The following GLYR1 variants were observed in gnomAD, a reference collection of about 807,000 sequenced individuals.
GLYR1 encodes glyoxylate reductase 1 homolog.
A neutral mutation model predicts 72.7 loss-of-function variants in GLYR1; 21 were observed. The observed-to-expected ratio is 0.29, with a 90% CI of 0.20 to 0.42. GLYR1 has a LOEUF of 0.42. Ranked by LOEUF, GLYR1 falls within the 10% of genes least tolerant of loss-of-function variation. The pLI is 1.00. For missense variants in GLYR1, 594 were observed against 712.1 expected, an observed-to-expected ratio of 0.83 and a Z score of 1.89; for synonymous variants, 392 against 270.2, an observed-to-expected ratio of 1.45 and a Z score of -4.42.
intron 5 of GLYR1, among the ~76,000 whole-genome samples, chr16:4,829,996 G>A (rs1200612923): frequency 6.6e-6 from 1 of 151,724 alleles, no homozygotes; most frequent in South Asian, 2.1e-4. Context: ...TAGAGATGGG[G>A]TTTCCCTATG....
At chr16:4,844,973 G>C (rs914297864) in intron 3 of GLYR1, 101 bp downstream of exon 3, 3 of 791,276 alleles carry the variant, frequency 3.8e-6, no homozygotes, top group Non-Finnish European at 6.5e-6. Context: ...CACATTATAA[G>C]AAGACTGAAC....
chr16:4,808,986 G>C (rs1452522129), intron 15 of GLYR1, among the ~76,000 whole-genome samples: 1 of 152,078 alleles, frequency 6.6e-6, no homozygotes, highest in Non-Finnish European at 1.5e-5. Context: ...AAGTGCACGT[G>C]TTAAGTGCTT....
rs2084884433 is a variant in GLYR1, at chr16:4,832,864, C to T, written c.204G>A (p.Glu68=). The T allele has an allele frequency of 6.2e-7, 1 of 1,613,656 alleles. No homozygotes were observed. ...TACCCTTGTTAATTTTTATCATTTCCTCTTTATGAGCATGATATGGCTTCA... is the reference window on the plus strand; with the variant it reads ...TACCCTTGTTAATTTTTATCATTTCTTCTTTATGAGCATGATATGGCTTCA... ...EQLKPYHAHK[E]EMIKINKGKR... Residue 68 remains glutamate, a synonymous_variant, in exon 4 of 16, where the codon GAG becomes GAA. Transcript: ENST00000321919.
chr16:4,805,062 G>A lies in GLYR1; in HGVS notation c.*174C>T. 2 of 615,166 alleles carry A rather than the reference G, an allele frequency of 3.3e-6. No homozygotes were observed. Among genetic ancestry groups the A allele is most frequent in the Non-Finnish European group, 2.9e-6 (1 of 339,498 alleles). The allele number at this position is 615,166 out of a possible 1,614,324, so 38.1% of individuals were successfully genotyped here. ...GCTGACACTTGTCCCCTCCCCACCG[G>A]CCTCAGGGGAAGGGTGCTGCTGTGT... On this transcript the variant is annotated 3_prime_UTR_variant, in exon 16 of 16. Coordinates refer to ENST00000321919, the MANE Select transcript of GLYR1 (RefSeq NM_032569.4).
intron 9 of GLYR1, among the ~76,000 whole-genome samples, chr16:4,820,308 T>C (rs181258209): frequency 1.0e-3 from 156 of 152,212 alleles, no homozygotes; most frequent in Admixed American, 4.7e-3. Flanking sequence ...GGATTTTTAA[T>C]ATGGCAACTG....
At chr16:4,842,917 C>G (rs1438541876) in intron 3 of GLYR1, among the ~76,000 whole-genome samples, 2 of 152,050 alleles carry the variant, frequency 1.3e-5, no homozygotes, top group African/African-American at 2.4e-5. Flanking sequence ...CCAGGCTGTT[C>G]TCAAATTCCT....
chr16:4,824,390 CT>C (rs1408287898), intron 5 of GLYR1, among the ~76,000 whole-genome samples: 1 of 151,558 alleles, frequency 6.6e-6, no homozygotes, highest in Non-Finnish European at 1.5e-5. Context: ...CTCCCAGCTA[CT>C]CCAGAGGTTG....
chr16:4,822,115 C>A (rs1392878960), intron 7 of GLYR1, among the ~76,000 whole-genome samples: 1 of 107,450 alleles, frequency 9.3e-6, no homozygotes, highest in Non-Finnish European at 2.0e-5. Flanking sequence ...GAGATAGAGT[C>A]TCGCTCTGTC....
rs544991715 is a variant in GLYR1, at chr16:4,803,435, T to A, written c.*1801A>T. 1 of 152,720 alleles carries A rather than the reference T, an allele frequency of 6.5e-6. No homozygotes were observed. Among genetic ancestry groups the A allele is most frequent in the South Asian group, 2.1e-4 (1 of 4,822 alleles). The allele number at this position is 152,720 out of a possible 1,614,324, so 9.5% of individuals were successfully genotyped here. A position where few individuals can be genotyped will look rare whatever the true frequency, so the allele number is the denominator to read the frequency against. Reference sequence around the variant, plus strand: ...TACAAGCTTTTTCACAAGTGTCACATTTTCTCCTTAAAAGGGAAGGATTTC... The same window carrying A: ...TACAAGCTTTTTCACAAGTGTCACAATTTCTCCTTAAAAGGGAAGGATTTC... On this transcript the variant is annotated 3_prime_UTR_variant, in exon 16 of 16. Transcript: ENST00000321919.
chr16:4,827,608 C>CA (rs927253253), intron 5 of GLYR1, among the ~76,000 whole-genome samples: 17 of 150,692 alleles, frequency 1.1e-4, no homozygotes, highest in East Asian at 3.9e-4. Flanking sequence ...AACAAACAAA[C>CA]AAAAAAAACG....
chr16:4,845,124 T>C lies in GLYR1; in HGVS notation c.105A>G (p.Lys35=). The change falls in exon 3 of 16, where the codon AAA becomes AAG. Residue 35 remains lysine, a synonymous_variant. Coordinates refer to ENST00000321919, the MANE Select transcript of GLYR1 (RefSeq NM_032569.4). The part of the protein sequence containing the change: ...KIVNPPKDLK[K]PRGKKCFFVK... The stretch of plus-strand genomic sequence containing the variant: ...CAAAGAAGCATTTCTTTCCGCGAGG[T>C]TTCTTCAAGTCCTTTGGTGGATTAA... The C allele has an allele frequency of 6.2e-7, 1 of 1,614,006 alleles. No homozygotes were observed. Among genetic ancestry groups the C allele is most frequent in the African/African-American group, 1.3e-5 (1 of 74,992 alleles).
rs556910257 is a variant in GLYR1 at position 4,804,876 on chromosome 16, C to T, written c.*360G>A. 2.8e-4 allele frequency: 78 copies of T among 277,496 alleles called. No individual in the cohort carries two copies. Among genetic ancestry groups the T allele is most frequent in the Non-Finnish European group, 4.0e-4 (57 of 141,918 alleles). 17.2% of individuals were successfully genotyped at this position (277,496 alleles called of 1,614,324 possible). A position where few individuals can be genotyped will look rare whatever the true frequency, so the allele number is the denominator to read the frequency against. ...GAAGGGGTTTGAGATAAGACAAGCT[C>T]GGAAGAAAAAAAGCCAGGCAGCAGT... is the stretch of plus-strand genomic sequence containing the variant. On this transcript the variant is annotated 3_prime_UTR_variant, in exon 16 of 16. Coordinates refer to ENST00000321919, the MANE Select transcript of GLYR1 (RefSeq NM_032569.4).
At chr16:4,837,055 C>T (rs1023507224) in intron 3 of GLYR1, among the ~76,000 whole-genome samples, 13 of 152,334 alleles carry the variant, frequency 8.5e-5, no homozygotes, top group African/African-American at 2.9e-4. Context: ...CACTAAGGCA[C>T]TCTCAGATTA....
intron 2 of GLYR1, among the ~76,000 whole-genome samples, chr16:4,845,829 C>T (rs998722761): frequency 6.6e-5 from 10 of 152,326 alleles, no homozygotes; most frequent in Non-Finnish European, 1.5e-4. Flanking sequence ...TGGCTTTTCA[C>T]TAACCTACAT....
At chr16:4,846,818 A>C in intron 1 of GLYR1, 1 of 276,882 alleles carries the variant, frequency 3.6e-6, no homozygotes, top group East Asian at 1.1e-4. Context: ...CTGCATCGCA[A>C]CCTGGGCTTT....
intron 15 of GLYR1, among the ~76,000 whole-genome samples, chr16:4,809,124 G>A (rs529862673): frequency 6.6e-6 from 1 of 150,438 alleles, no homozygotes; most frequent in Non-Finnish European, 1.5e-5. Context: ...AATAAGAGAG[G>A]AAATGGATGG....
intron 1 of GLYR1, 148 bp downstream of exon 1, chr16:4,847,080 G>C: frequency 1.4e-6 from 1 of 738,986 alleles, no homozygotes; most frequent in Non-Finnish European, 2.2e-6. Flanking sequence ...CTTCCGCCTG[G>C]CGCCGCTCGC....
intron 13 of GLYR1, 55 bp from the exon 14 acceptor site, chr16:4,811,857 C>T: frequency 6.4e-7 from 1 of 1,561,712 alleles, no homozygotes; most frequent in Non-Finnish European, 8.7e-7. Context: ...GACAGGGCTT[C>T]TCTGTCCACC....
chr16:4,819,030 G>A (rs188706344), intron 9 of GLYR1, among the ~76,000 whole-genome samples: 10 of 152,216 alleles, frequency 6.6e-5, no homozygotes, highest in African/African-American at 1.7e-4. Context: ...ATGCTTTTAC[G>A]GATGACTTTT....
Sources: allele counts gnomAD v4.1 joint callset (sites outside exome capture counted in the v4.1 genomes callset), GRCh38; gene constraint gnomAD v4.1.1; transcripts MANE v1.5; gene names NCBI Gene and HGNC (gene_info 2026-07-23, HGNC 2026-07-21).